The following SAMD12 variants were observed in gnomAD, a reference collection of about 807,000 sequenced individuals.
SAMD12 encodes sterile alpha motif domain containing 12.
SAMD12 carries 9 observed loss-of-function variants against 15.0 expected under a neutral mutation model. That is an observed-to-expected ratio of 0.60 (90% confidence interval 0.36 to 1.05). SAMD12 has a LOEUF of 1.05. Ranked by LOEUF, SAMD12 falls within the 50% of genes least tolerant of loss-of-function variation. SAMD12 has a pLI of 0.01. For synonymous variants in SAMD12, 86 were observed against 90.1 expected, an observed-to-expected ratio of 0.96 and a Z score of 0.25; for missense variants, 230 against 234.2, an observed-to-expected ratio of 0.98 and a Z score of 0.12.
In SAMD12 at chr8:118,287,269, C is replaced by G. The variant is rs531375010; in HGVS notation, c.434-89537G>C. On this transcript the variant is annotated intron_variant, in intron 4 of 4. Transcript: ENST00000409003. ...CCTTCCGAGTAGCTGGGACTACAGG[C>G]GCCCACCACTGCGCCCGGCTAATTT... Among the ~76,000 whole-genome samples the G allele has an allele frequency of 3.6e-3, 546 of 150,044 alleles. 2 individuals are homozygous for G. Among genetic ancestry groups the G allele is most frequent in the African/African-American group, 0.013 (508 of 40,038 alleles).
the SAMD12 span, among the ~76,000 whole-genome samples, chr8:118,135,963 G>A: frequency 1.3e-5 from 2 of 151,748 alleles, no homozygotes; most frequent in African/African-American, 2.4e-5. Flanking sequence ...CCACTCCCCC[G>A]CTTTGTCCCC....
In SAMD12 at chr8:118,560,799, CA is replaced by C. The variant is rs560183136; in HGVS notation, c.192+19915del. 2.6e-4 allele frequency among the ~76,000 whole-genome samples: 39 copies of C among 151,928 alleles called. 1 individual carries two copies. In the East Asian group the frequency reaches 5.8e-3, roughly 23 times the overall value. Reference sequence around the variant, plus strand: ...ATATAAATCCAAATATCAGTAATACCAAGAAATTTTAGGCAAACACAATAGA... The same window carrying C: ...ATATAAATCCAAATATCAGTAATACCAGAAATTTTAGGCAAACACAATAGA... On this transcript the variant is annotated intron_variant, in intron 2 of 3. Coordinates refer to ENST00000314727, the MANE Select transcript of SAMD12 (RefSeq NM_207506.3).
At chr8:118,376,690 T>A (rs1356460749), downstream of SAMD12, among the ~76,000 whole-genome samples, 4 of 152,158 alleles carry the variant, frequency 2.6e-5, no homozygotes, top group African/African-American at 7.2e-5. Context: ...ATACTCCATC[T>A]CTATGGATAA....
chr8:118,380,085 C>G (rs1405546285), intron 3 of SAMD12, among the ~76,000 whole-genome samples: 2 of 152,108 alleles, frequency 1.3e-5, no homozygotes, highest in Non-Finnish European at 2.9e-5. Context: ...CCACAGGAGC[C>G]CAAGTCACTG....
At chr8:118,499,739 A>G (rs1021692597) in intron 2 of SAMD12, among the ~76,000 whole-genome samples, 6 of 152,204 alleles carry the variant, frequency 3.9e-5, no homozygotes, top group African/African-American at 1.4e-4. Context: ...AATCTTGGCC[A>G]TAGACTCCAA....
At chr8:118,453,307 C>G (rs1038917894) in intron 2 of SAMD12, among the ~76,000 whole-genome samples, 1 of 151,968 alleles carries the variant, frequency 6.6e-6, no homozygotes, top group Non-Finnish European at 1.5e-5. Flanking sequence ...ATATACTATT[C>G]CAATGCTGGG....
At chr8:118,255,011 C>CT (rs1812901334) in intron 4 of SAMD12, among the ~76,000 whole-genome samples, 1 of 152,014 alleles carries the variant, frequency 6.6e-6, no homozygotes, top group Admixed American at 6.6e-5. Flanking sequence ...GCTTGATTCT[C>CT]TTAAGTCGAT....
chr8:118,284,471 A>T, intron 4 of SAMD12: 1 of 411,686 alleles, frequency 2.4e-6, no homozygotes, highest in South Asian at 1.8e-5. Flanking sequence ...TAATCTTCAT[A>T]CACAAAGAAT....
intron 4 of SAMD12, among the ~76,000 whole-genome samples, chr8:118,350,240 G>A (rs1164789110): frequency 6.6e-6 from 1 of 152,182 alleles, no homozygotes; most frequent in Non-Finnish European, 1.5e-5. Context: ...AGAAAAGAAA[G>A]GAACTTGACC....
At chr8:118,590,610 C>A (rs1827564754) in intron 1 of SAMD12, among the ~76,000 whole-genome samples, 1 of 152,232 alleles carries the variant, frequency 6.6e-6, no homozygotes, top group Non-Finnish European at 1.5e-5. Context: ...CTCTACCTGG[C>A]AGTAAGTAAG....
intron 2 of SAMD12, among the ~76,000 whole-genome samples, chr8:118,531,676 T>C (rs1295479023): frequency 6.6e-6 from 1 of 152,216 alleles, no homozygotes; most frequent in Non-Finnish European, 1.5e-5. Flanking sequence ...GGTATCTTAT[T>C]CTCTTTGAAG....
chr8:118,539,177 A>G (rs967717853), intron 2 of SAMD12, among the ~76,000 whole-genome samples: 4 of 152,230 alleles, frequency 2.6e-5, no homozygotes, highest in South Asian at 2.1e-4. Context: ...CTGATCATAT[A>G]TAGATATACC....
intron 4 of SAMD12, among the ~76,000 whole-genome samples, chr8:118,203,646 T>G (rs1260636582): frequency 6.6e-6 from 1 of 152,074 alleles, no homozygotes; most frequent in African/African-American, 2.4e-5. Context: ...GCTTGTTACA[T>G]ATGTATACAT....
chr8:118,191,790 A>C lies in SAMD12; in HGVS notation c.*5920T>G, dbSNP rs1439023978. On this transcript the variant is annotated 3_prime_UTR_variant, in exon 5 of 5. Transcript: ENST00000409003. The stretch of plus-strand genomic sequence containing the variant: ...TATATATATATATATATATATATAT[A>C]TATATATATATATATATATATAGAG... 2.3e-3 allele frequency: 138 copies of C among 59,900 alleles called. 2 individuals carry two copies. Among genetic ancestry groups the C allele is most frequent in the African/African-American group, 8.5e-3 (132 of 15,546 alleles). 3.7% of individuals were successfully genotyped at this position (59,900 alleles called of 1,614,324 possible). A position where few individuals can be genotyped will look rare whatever the true frequency, so the allele number is the denominator to read the frequency against.
chr8:118,308,964 A>G (rs1381234117), intron 4 of SAMD12, among the ~76,000 whole-genome samples: 1 of 152,198 alleles, frequency 6.6e-6, no homozygotes. Flanking sequence ...GACTTCAAGG[A>G]TAAGATCTTT....
At chr8:118,570,719 C>A (rs1826987484) in intron 2 of SAMD12, among the ~76,000 whole-genome samples, 2 of 148,762 alleles carry the variant, frequency 1.3e-5, no homozygotes, top group Admixed American at 1.3e-4. Context: ...GTATATTATA[C>A]CCAGTTATGA....
At chr8:118,530,175 G>A (rs570013083) in intron 2 of SAMD12, among the ~76,000 whole-genome samples, 125 of 152,232 alleles carry the variant, frequency 8.2e-4, no homozygotes, top group Non-Finnish European at 1.6e-3. Flanking sequence ...GTCTTCTTTT[G>A]AGAAGTGTCT....
At chr8:118,494,422 C>A (rs572398064) in intron 2 of SAMD12, among the ~76,000 whole-genome samples, 12 of 152,278 alleles carry the variant, frequency 7.9e-5, no homozygotes, top group African/African-American at 2.9e-4. Context: ...TTTGCAAACA[C>A]CAGCAGTAGT....
intron 3 of SAMD12, among the ~76,000 whole-genome samples, chr8:118,409,204 G>A (rs1413053411): frequency 6.6e-6 from 1 of 152,058 alleles, no homozygotes; most frequent in Non-Finnish European, 1.5e-5. Flanking sequence ...TTTCAAATTA[G>A]CCTCCAGTGG....
Sources: allele counts gnomAD v4.1 joint callset (sites outside exome capture counted in the v4.1 genomes callset), GRCh38; gene constraint gnomAD v4.1.1; transcripts MANE v1.5; gene names NCBI Gene and HGNC (gene_info 2026-07-23, HGNC 2026-07-21).